BICRAL: variants seen among roughly 807,000 people sequenced by gnomAD.
The protein encoded by BICRAL is BRD4-interacting chromatin-remodeling complex-associated protein-like.
Under a neutral mutation model 91.8 loss-of-function variants are expected in BICRAL, and 8 were observed. That is an observed-to-expected ratio of 0.09 (90% CI 0.05 to 0.16). The LOEUF (loss-of-function observed/expected upper bound fraction) is 0.16. Among genes scored for constraint, BICRAL ranks in the 10% least tolerant of loss-of-function variants. BICRAL has a pLI of 1.00. For synonymous variants in BICRAL, 445 were observed against 491.1 expected, an observed-to-expected ratio of 0.91 and a Z score of 1.24; for missense variants, 1,038 against 1,310.9, an observed-to-expected ratio of 0.79 and a Z score of 3.21.
chr6:42,806,623 C>T (rs1763716401), intron 1 of BICRAL, among the ~76,000 whole-genome samples: 1 of 151,286 alleles, frequency 6.6e-6, no homozygotes. Flanking sequence ...ATTGATCCTC[C>T]CGCCTTAGCC....
At chr6:42,782,817 G>A (rs1012845459) in intron 1 of BICRAL, among the ~76,000 whole-genome samples, 4 of 152,274 alleles carry the variant, frequency 2.6e-5, no homozygotes, top group Non-Finnish European at 2.9e-5. Context: ...CGAGCAGGGG[G>A]CAGGGAGGGC....
At chr6:42,832,865 C>T (rs1161248658) in intron 6 of BICRAL, among the ~76,000 whole-genome samples, 1 of 152,006 alleles carries the variant, frequency 6.6e-6, no homozygotes, top group Non-Finnish European at 1.5e-5. Context: ...AACCACAGTA[C>T]AGTAATGAAC....
chr6:42,867,549 G>A lies in BICRAL; in HGVS notation c.*2103G>A, dbSNP rs1431259625. ...CTCATGCTCCCCTAATTCCTAGCAA[G>A]ATGATCCTTCCTAATCAAATTCTTC... On this transcript the variant is annotated 3_prime_UTR_variant, in exon 13 of 13. Coordinates refer to ENST00000314073, the MANE Select transcript of BICRAL (RefSeq NM_001393499.1). The A allele has an allele frequency of 6.6e-6, 1 of 152,532 alleles. No individual in the cohort carries two copies. Among genetic ancestry groups the A allele is most frequent in the Non-Finnish European group, 1.5e-5 (1 of 68,026 alleles). 9.4% of individuals were successfully genotyped at this position (152,532 alleles called of 1,614,324 possible). A position where few individuals can be genotyped will look rare whatever the true frequency, so the allele number is the denominator to read the frequency against.
At chr6:42,750,156 C>A (rs577834963) in intron 1 of BICRAL, among the ~76,000 whole-genome samples, 1 of 151,756 alleles carries the variant, frequency 6.6e-6, no homozygotes, top group African/African-American at 2.4e-5. Flanking sequence ...AGCCACCGTG[C>A]CTGGGCCCTT....
intron 1 of BICRAL, among the ~76,000 whole-genome samples, chr6:42,750,896 TTTTTTTTTTTTTAA>T (rs1762368914): frequency 1.3e-5 from 1 of 78,304 alleles, no homozygotes; most frequent in African/African-American, 5.2e-5. Flanking sequence ...TTTTTTTTTT[TTTTTTTTTTTTTAA>T]TACTTTAAGT....
At chr6:42,796,237 G>C (rs1195044557) in intron 1 of BICRAL, among the ~76,000 whole-genome samples, 1 of 152,200 alleles carries the variant, frequency 6.6e-6, no homozygotes, top group Non-Finnish European at 1.5e-5. Context: ...AAGACGGGGA[G>C]TGCTGGGGTG....
chr6:42,774,241 C>T (rs1011839279), intron 1 of BICRAL, among the ~76,000 whole-genome samples: 10 of 152,086 alleles, frequency 6.6e-5, no homozygotes, highest in African/African-American at 2.2e-4. Flanking sequence ...ATCTTTCAAG[C>T]TATCATTTTT....
rs527968168 is a variant in BICRAL at position 42,833,112 on chromosome 6, G to A, written c.1839+2940G>A. ...GCTCTGTTGCCCAGGCTGGAGTGCA[G>A]TAGCCCGATCTCAGCTCACTGCAAG... is the stretch of plus-strand genomic sequence containing the variant. On this transcript the variant is annotated intron_variant, in intron 6 of 12. Transcript: ENST00000314073. 7.3e-4 allele frequency among the ~76,000 whole-genome samples: 110 copies of A among 150,774 alleles called. 1 individual carries two copies. Among genetic ancestry groups the A allele is most frequent in the African/African-American group, 2.5e-3 (102 of 41,002 alleles).
chr6:42,805,773 G>A (rs970990255), intron 1 of BICRAL, among the ~76,000 whole-genome samples: 5 of 152,010 alleles, frequency 3.3e-5, no homozygotes, highest in East Asian at 1.9e-4. Context: ...AGGCCGAGAC[G>A]GGTGGATCAC....
intron 1 of BICRAL, among the ~76,000 whole-genome samples, chr6:42,784,285 G>A (rs952676814): frequency 1.3e-5 from 2 of 152,188 alleles, no homozygotes; most frequent in African/African-American, 2.4e-5. Context: ...GTATCTGTTG[G>A]TAGTATCTAT....
intron 12 of BICRAL, among the ~76,000 whole-genome samples, chr6:42,864,286 G>A (rs1288524370): frequency 2.6e-5 from 4 of 152,122 alleles, no homozygotes; most frequent in African/African-American, 9.7e-5. Context: ...TTTGCGGTGA[G>A]CCAAGATCGT....
At chr6:42,832,388 T>C (rs1209397117) in intron 6 of BICRAL, among the ~76,000 whole-genome samples, 1 of 145,876 alleles carries the variant, frequency 6.9e-6, no homozygotes, top group Non-Finnish European at 1.5e-5. Context: ...TGTATGTATG[T>C]ATATATATAT....
At chr6:42,803,741 T>C (rs1763636444) in intron 1 of BICRAL, among the ~76,000 whole-genome samples, 2 of 152,178 alleles carry the variant, frequency 1.3e-5, no homozygotes, top group Non-Finnish European at 2.9e-5. Context: ...CATATGTTGC[T>C]TAAGAAGGAG....
At chr6:42,759,077 G>A (rs1398670282) in intron 1 of BICRAL, among the ~76,000 whole-genome samples, 2 of 152,236 alleles carry the variant, frequency 1.3e-5, no homozygotes, top group African/African-American at 4.8e-5. Context: ...ATCTCTGGGA[G>A]TGGGGCCTTG....
rs147027796 is a variant in BICRAL at position 42,765,585 on chromosome 6, T to G, written c.-260-16254T>G. On this transcript the variant is annotated intron_variant, in intron 1 of 14. Transcript: ENST00000614467. ...TCAGGTAATAGAAACTCTTTTCATC[T>G]GAAGAATGATGATGAAGTGAAAGGT... is the stretch of plus-strand genomic sequence containing the variant. Among the ~76,000 whole-genome samples the G allele has an allele frequency of 1.8e-3, 269 of 152,348 alleles. 2 individuals are homozygous for G. Among genetic ancestry groups the G allele is most frequent in the African/African-American group, 6.0e-3 (249 of 41,582 alleles).
chr6:42,840,766 C>T lies in BICRAL; in HGVS notation c.1839+10594C>T, dbSNP rs79933054. Among the ~76,000 whole-genome samples, 829 of 151,872 alleles carry T rather than the reference C, an allele frequency of 5.5e-3. 10 individuals carry two copies. Among genetic ancestry groups the T allele is most frequent in the African/African-American group, 0.019 (790 of 41,432 alleles). Reference sequence around the variant, plus strand: ...ATCTCTTTGGATCACTAAAGGATTTCGTAGATTCAAATTTTATTGAGAGCA... The same window carrying T: ...ATCTCTTTGGATCACTAAAGGATTTTGTAGATTCAAATTTTATTGAGAGCA... On this transcript the variant is annotated intron_variant, in intron 6 of 12. Transcript: ENST00000314073.
In BICRAL at chr6:42,771,718, G is replaced by A. The variant is rs112811107; in HGVS notation, c.-260-10121G>A. 2.9e-3 allele frequency among the ~76,000 whole-genome samples: 447 copies of A among 152,186 alleles called. 1 individual carries two copies. Among genetic ancestry groups the A allele is most frequent in the African/African-American group, 0.01 (428 of 41,520 alleles). ...GGTTAAATTGTACTGAGATACAATG[G>A]CTGTTTTTAAAAATTGCTGTTAACT... is the stretch of plus-strand genomic sequence containing the variant. On this transcript the variant is annotated intron_variant, in intron 1 of 14. Coordinates refer to the BICRAL transcript ENST00000614467.
intron 1 of BICRAL, among the ~76,000 whole-genome samples, chr6:42,801,759 A>G (rs1350811239): frequency 6.6e-6 from 1 of 151,602 alleles, no homozygotes; most frequent in Non-Finnish European, 1.5e-5. Flanking sequence ...GCGCACACCT[A>G]TAATCCCAGC....
intron 6 of BICRAL, among the ~76,000 whole-genome samples, chr6:42,845,264 C>T: frequency 9.7e-6 from 1 of 102,610 alleles, no homozygotes; most frequent in African/African-American, 3.7e-5. Flanking sequence ...GAGTTTCAGT[C>T]GTCACCCAGG....
Sources: allele counts gnomAD v4.1 joint callset (sites outside exome capture counted in the v4.1 genomes callset), GRCh38; gene constraint gnomAD v4.1.1; transcripts MANE v1.5; gene names NCBI Gene and HGNC (gene_info 2026-07-23, HGNC 2026-07-21).